Variants in ZRANB3 observed in about 807,000 individuals in gnomAD.
The protein encoded by ZRANB3 is DNA annealing helicase and endonuclease ZRANB3.
In ZRANB3, 125 loss-of-function variants were observed where a neutral mutation model predicts 133.8. That is an observed-to-expected ratio of 0.93 (90% CI 0.81 to 1.08). The LOEUF (loss-of-function observed/expected upper bound fraction) is 1.08, where lower values mean the gene tolerates loss of function less well. ZRANB3 is among the 50% of genes least tolerant of loss of function. The pLI is 0.00. For synonymous variants in ZRANB3, 387 were observed against 432.7 expected (o/e 0.89, Z 1.31); for missense variants, 1,229 against 1,275.5 (o/e 0.96, Z 0.56).
At chr2:135,507,649 T>C (rs532460482) in intron 1 of ZRANB3, among the ~76,000 whole-genome samples, 6 of 152,200 alleles carry the variant, frequency 3.9e-5, no homozygotes, top group African/African-American at 1.4e-4. Context: ...ATCATCTTTA[T>C]TCAAGACTCC....
intron 2 of ZRANB3, among the ~76,000 whole-genome samples, chr2:135,403,912 T>A (rs913192240): frequency 6.6e-6 from 1 of 152,246 alleles, no homozygotes; most frequent in East Asian, 1.9e-4. Flanking sequence ...GAAGGAAAAC[T>A]AACAAACAGA....
intron 2 of ZRANB3, among the ~76,000 whole-genome samples, chr2:135,403,639 C>G (rs910150925): frequency 6.6e-5 from 10 of 152,234 alleles, no homozygotes; most frequent in African/African-American, 2.2e-4. Flanking sequence ...GATCTGAGAA[C>G]AGATAGACTG....
rs762145369 is a variant in ZRANB3 at position 135,350,199 on chromosome 2, T to C, written c.376A>G (p.Lys126Glu). The C allele has an allele frequency of 3.8e-6, 6 of 1,594,178 alleles. No homozygotes were observed. The highest frequency in any genetic ancestry group is 5.1e-6 in the Non-Finnish European group (6 of 1,169,168). Residue 126 changes from lysine (K) to glutamate (E), a missense_variant, in exon 5 of 21, where the codon AAA becomes GAA. By Grantham distance (56) the Lys-to-Glu change is moderately conservative (BLOSUM62 1). Transcript: ENST00000264159. ...KTDVRRMSTS[K>E]VTVLGYGLLT... The stretch of plus-strand genomic sequence containing the variant: ...AGACCATAACCCAGAACTGTCACTT[T>C]ACTGGTCGACATTCTCCTAGAAAAG...
chr2:135,242,843 T>G (rs1383035174), intron 12 of ZRANB3, among the ~76,000 whole-genome samples: 1 of 152,216 alleles, frequency 6.6e-6, no homozygotes, highest in African/African-American at 2.4e-5. Context: ...GAGCTTGTTG[T>G]GTTCTCTGAT....
intron 2 of ZRANB3, among the ~76,000 whole-genome samples, chr2:135,434,001 A>G (rs1453302810): frequency 2.0e-5 from 3 of 152,072 alleles, no homozygotes; most frequent in Admixed American, 6.5e-5. Context: ...GTCTCAAAAC[A>G]AAACAAAAAA....
chr2:135,408,004 C>T (rs1317717351), intron 2 of ZRANB3, among the ~76,000 whole-genome samples: 5 of 151,700 alleles, frequency 3.3e-5, no homozygotes, highest in South Asian at 2.1e-4. Flanking sequence ...AGCTTCTGCA[C>T]AGCAAAAGAA....
chr2:135,433,093 G>C (rs1689388005), intron 2 of ZRANB3, among the ~76,000 whole-genome samples: 1 of 149,776 alleles, frequency 6.7e-6, no homozygotes, highest in African/African-American at 2.5e-5. Context: ...GGCAGGTCTA[G>C]GTAAACTGAG....
intron 12 of ZRANB3, among the ~76,000 whole-genome samples, chr2:135,258,969 A>C (rs1679803776): frequency 6.6e-6 from 1 of 152,210 alleles, no homozygotes; most frequent in African/African-American, 2.4e-5. Context: ...ACAACAAAGC[A>C]AACATTTCAT....
chr2:135,259,661 G>A (rs1047950653), intron 12 of ZRANB3, among the ~76,000 whole-genome samples: 31 of 151,832 alleles, frequency 2.0e-4, no homozygotes, highest in Non-Finnish European at 2.8e-4. Flanking sequence ...CAGCTGATCC[G>A]CCCGCCTCGG....
chr2:135,230,989 A>C, intron 12 of ZRANB3, 62 bp from the exon 13 acceptor site: 3 of 1,431,042 alleles, frequency 2.1e-6, no homozygotes, highest in Non-Finnish European at 2.8e-6. Flanking sequence ...TTCTTACATA[A>C]AAGAGCTTAA....
chr2:135,257,289 G>A (rs368107852), intron 12 of ZRANB3, among the ~76,000 whole-genome samples: 4 of 152,132 alleles, frequency 2.6e-5, no homozygotes, highest in African/African-American at 9.7e-5. Context: ...GGTCTGGATC[G>A]AGACCCCTTT....
At chr2:135,375,046 C>CA (rs1354203257) in intron 3 of ZRANB3, among the ~76,000 whole-genome samples, 1 of 151,980 alleles carries the variant, frequency 6.6e-6, no homozygotes, top group Non-Finnish European at 1.5e-5. Context: ...ATGATAATAC[C>CA]AACGGCTAGT....
intron 2 of ZRANB3, among the ~76,000 whole-genome samples, chr2:135,440,199 T>G (rs1269220239): frequency 2.6e-5 from 4 of 152,156 alleles, no homozygotes; most frequent in African/African-American, 9.7e-5. Flanking sequence ...CTTTCTTATC[T>G]AGTTATTTTG....
chr2:135,452,096 T>TA (rs1690298140), intron 2 of ZRANB3, among the ~76,000 whole-genome samples: 2 of 152,264 alleles, frequency 1.3e-5, no homozygotes, highest in South Asian at 4.1e-4. Flanking sequence ...TAATTGGACT[T>TA]ACAGTTCCAC....
chr2:135,493,037 G>T, intron 2 of ZRANB3, among the ~76,000 whole-genome samples: 1 of 142,638 alleles, frequency 7.0e-6, no homozygotes, highest in Non-Finnish European at 1.5e-5. Flanking sequence ...ATATTGGTAT[G>T]AAGGAAAACA....
chr2:135,469,615 CT>C (rs1373561740), intron 2 of ZRANB3, among the ~76,000 whole-genome samples: 1 of 152,080 alleles, frequency 6.6e-6, no homozygotes. Flanking sequence ...TCTTTTTGTA[CT>C]GGAGGTGGAC....
Position 135,361,859 on chromosome 2 carries a change from C to T in ZRANB3, c.181-8231G>A, listed in dbSNP as rs188565208. 3.0e-3 allele frequency among the ~76,000 whole-genome samples: 450 copies of T among 152,196 alleles called. 2 individuals carry two copies. Among genetic ancestry groups the T allele is most frequent in the African/African-American group, 0.01 (419 of 41,510 alleles). ...TTCTTGTACATTGTTAGTGCTATTT[C>T]CAATAGAGAATTTTAGATGGTACAC... On this transcript the variant is annotated intron_variant, in intron 3 of 20. Transcript: ENST00000264159.
chr2:135,231,592 AC>A (rs1695017627), intron 12 of ZRANB3, among the ~76,000 whole-genome samples: 3 of 152,082 alleles, frequency 2.0e-5, no homozygotes, highest in African/African-American at 7.2e-5. Context: ...AAACCCCGTC[AC>A]TACAAAAAAA....
At chr2:135,456,223 G>T (rs1690513280) in intron 2 of ZRANB3, among the ~76,000 whole-genome samples, 1 of 152,168 alleles carries the variant, frequency 6.6e-6, no homozygotes, top group Non-Finnish European at 1.5e-5. Context: ...GTAGGAGAAG[G>T]TGTTGCTGAT....
Sources: allele counts gnomAD v4.1 joint callset (sites outside exome capture counted in the v4.1 genomes callset), GRCh38; gene constraint gnomAD v4.1.1; transcripts MANE v1.5; gene names NCBI Gene and HGNC (gene_info 2026-07-23, HGNC 2026-07-21).